Variants in LMNB1 observed in about 807,000 individuals in gnomAD.
LMNB1 encodes lamin B1, also known as lamin-B1.
In LMNB1, 23 loss-of-function variants were observed where a neutral mutation model predicts 67.1. The observed-to-expected ratio is 0.34, with a 90% CI of 0.25 to 0.49. The LOEUF (loss-of-function observed/expected upper bound fraction) is 0.49. Ranked by LOEUF, LMNB1 falls within the 20% of genes least tolerant of loss-of-function variation. LMNB1 has a pLI of 0.99. For synonymous variants in LMNB1, 281 were observed against 282.9 expected (o/e 0.99, Z 0.07); for missense variants, 634 against 746.5 (o/e 0.85, Z 1.76).
chr5:126,776,720 C>T (rs1357737466), upstream of LMNB1: 1 of 152,256 alleles, frequency 6.6e-6, no homozygotes, highest in Non-Finnish European at 1.5e-5. Flanking sequence ...TTCCCTGAAC[C>T]GCCGAGTGTG....
rs545512907 is a variant in LMNB1, at chr5:126,806,728, C to G, written c.642+1032C>G. Among the ~76,000 whole-genome samples the G allele has an allele frequency of 5.5e-4, 83 of 152,274 alleles. 1 individual carries two copies. The highest frequency in any genetic ancestry group is 1.9e-3 in the African/African-American group (77 of 41,536). On this transcript the variant is annotated intron_variant, in intron 3 of 10. Coordinates refer to ENST00000261366, the MANE Select transcript of LMNB1 (RefSeq NM_005573.4). ...TTACATACCATCACTTTGGCCTTCT[C>G]CTATGGCTCACATCTGGAAATGCGG...
chr5:126,835,798 G>C (rs768189158), intron 10 of LMNB1, among the ~76,000 whole-genome samples: 1 of 152,134 alleles, frequency 6.6e-6, no homozygotes, highest in Non-Finnish European at 1.5e-5. Context: ...CATAAAAGAA[G>C]GTTAGAGGCC....
At chr5:126,831,980 CAG>C (rs993763367) in intron 9 of LMNB1, among the ~76,000 whole-genome samples, 3 of 152,034 alleles carry the variant, frequency 2.0e-5, no homozygotes, top group Non-Finnish European at 2.9e-5. Flanking sequence ...AAATAATAAA[CAG>C]GGGCCAAGTG....
chr5:126,790,855 T>C (rs1024452793), intron 1 of LMNB1, among the ~76,000 whole-genome samples: 3 of 151,926 alleles, frequency 2.0e-5, no homozygotes, highest in African/African-American at 7.3e-5. Flanking sequence ...ATTTGTACTC[T>C]ACTAAAAGTA....
intron 9 of LMNB1, among the ~76,000 whole-genome samples, chr5:126,827,430 G>A (rs917814083): frequency 2.0e-5 from 3 of 152,188 alleles, no homozygotes; most frequent in Non-Finnish European, 4.4e-5. Flanking sequence ...GAGGCCGAAG[G>A]TGGGTGGATC....
intron 9 of LMNB1, among the ~76,000 whole-genome samples, chr5:126,831,450 C>A (rs1282782242): frequency 6.6e-6 from 1 of 152,228 alleles, no homozygotes; most frequent in Non-Finnish European, 1.5e-5. Flanking sequence ...TAGTTGCTTT[C>A]TGTCATACCT....
chr5:126,778,920 C>T (rs1278107051), intron 1 of LMNB1, among the ~76,000 whole-genome samples: 1 of 152,172 alleles, frequency 6.6e-6, no homozygotes, highest in Non-Finnish European at 1.5e-5. Context: ...ATTTGCAGAC[C>T]TTTGCTGGCC....
intron 1 of LMNB1, among the ~76,000 whole-genome samples, chr5:126,781,635 C>G (rs1406906799): frequency 1.3e-5 from 2 of 152,056 alleles, no homozygotes; most frequent in African/African-American, 2.4e-5. Flanking sequence ...GGGGTTTCAC[C>G]GTGTTGGCCA....
intron 1 of LMNB1, among the ~76,000 whole-genome samples, chr5:126,781,885 AGAGGCAGAGCATG>A (rs1286014724): frequency 1.3e-5 from 2 of 152,240 alleles, no homozygotes; most frequent in Non-Finnish European, 2.9e-5. Flanking sequence ...AAGATACCTT[AGAGGCAGAGCATG>A]GAAATGCTTG....
At chr5:126,804,666 TG>T in intron 1 of LMNB1, 109 bp from the exon 2 acceptor site, 1 of 956,280 alleles carries the variant, frequency 1.0e-6, no homozygotes, top group Non-Finnish European at 1.5e-6. Flanking sequence ...TGATAGGTGA[TG>T]GGAGCCTTTA....
At chr5:126,832,194 G>A (rs1752150821) in intron 9 of LMNB1, among the ~76,000 whole-genome samples, 1 of 152,202 alleles carries the variant, frequency 6.6e-6, no homozygotes, top group East Asian at 1.9e-4. Flanking sequence ...CTTGAACCTG[G>A]GAAGTGAAGG....
chr5:126,777,924 G>C, intron 1 of LMNB1, 57 bp downstream of exon 1: 1 of 1,376,182 alleles, frequency 7.3e-7, no homozygotes, highest in South Asian at 1.6e-5. Context: ...CGCAACCGCG[G>C]CGACCAGCTC....
At chr5:126,835,744 A>G (rs72780220) in intron 10 of LMNB1, among the ~76,000 whole-genome samples, 11,481 of 152,286 alleles carry the variant, frequency 0.075, 460 homozygotes, top group African/African-American at 0.09. Context: ...AGAGTTGACA[A>G]TTACTGTTCT....
chr5:126,786,112 CTTTT>C (rs70997312), intron 1 of LMNB1, among the ~76,000 whole-genome samples: 9 of 106,660 alleles, frequency 8.4e-5, no homozygotes, highest in Admixed American at 1.1e-4. Flanking sequence ...CAGACATTAT[CTTTT>C]TTTTTTTTTT....
chr5:126,797,318 TA>T lies in LMNB1; in HGVS notation c.360-7457del, dbSNP rs1314941903. Among the ~76,000 whole-genome samples the T allele has an allele frequency of 2.0e-5, 3 of 152,224 alleles. No individual in the cohort carries two copies. In the East Asian group the frequency reaches 5.8e-4, roughly 29 times the overall value. On this transcript the variant is annotated intron_variant, in intron 1 of 10. Coordinates refer to ENST00000261366, the MANE Select transcript of LMNB1 (RefSeq NM_005573.4). ...AAGCAAATGGGTATGTTTTGTGACT[TA>T]TTTTCAGGAGCGTGTATATTTCTAG...
chr5:126,809,983 C>T (rs1407969873), intron 3 of LMNB1, among the ~76,000 whole-genome samples, 197 bp from the exon 4 acceptor site: 1 of 146,574 alleles, frequency 6.8e-6, no homozygotes, highest in East Asian at 2.0e-4. Context: ...GAGATGCTAC[C>T]ACTTCTGTCA....
Position 126,777,770 on chromosome 5 carries a change from G to T in LMNB1, c.262G>T (p.Asp88Tyr). 1 of 1,513,762 alleles carries T rather than the reference G, an allele frequency of 6.6e-7. No homozygotes were observed. 93.8% of individuals were successfully genotyped at this position (1,513,762 alleles called of 1,614,324 possible). The change falls in exon 1 of 11, where the codon GAC (aspartate) becomes TAC (tyrosine). Residue 88 changes from aspartate (D) to tyrosine (Y), a missense_variant. Coordinates refer to ENST00000261366, the MANE Select transcript of LMNB1 (RefSeq NM_005573.4). The part of the protein sequence containing the change: ...LKALYETELA[D>Y]ARRALDDTAR... ...GGCGCTCTACGAGACCGAGCTGGCC[G>T]ACGCGCGACGCGCGCTCGACGACAC...
chr5:126,834,885 G>C (rs1004318702), intron 10 of LMNB1, among the ~76,000 whole-genome samples: 2 of 152,030 alleles, frequency 1.3e-5, no homozygotes, highest in African/African-American at 4.8e-5. Flanking sequence ...CATAAAAAAA[G>C]ACTTAATGCA....
chr5:126,794,146 A>T (rs558637389), intron 1 of LMNB1, among the ~76,000 whole-genome samples: 1 of 152,246 alleles, frequency 6.6e-6, no homozygotes, highest in South Asian at 2.1e-4. Context: ...TCTGGTCTCT[A>T]ACTCCTGACC....
Sources: allele counts gnomAD v4.1 joint callset (sites outside exome capture counted in the v4.1 genomes callset), GRCh38; gene constraint gnomAD v4.1.1; transcripts MANE v1.5; gene names NCBI Gene and HGNC (gene_info 2026-07-23, HGNC 2026-07-21).